The following REPS1 variants were observed in gnomAD, a reference collection of about 807,000 sequenced individuals.
REPS1 encodes RALBP1 associated Eps domain containing 1.
A neutral mutation model predicts 100.9 loss-of-function variants in REPS1; 39 were observed. That is an observed-to-expected ratio of 0.39 (90% confidence interval 0.30 to 0.50). REPS1 has a LOEUF of 0.50. REPS1 is among the 20% of genes least tolerant of loss of function. The pLI, the probability that REPS1 is intolerant of heterozygous loss-of-function variation, is 0.86. For synonymous variants in REPS1, 324 were observed against 340.3 expected, an observed-to-expected ratio of 0.95 and a Z score of 0.53; for missense variants, 821 against 968.5, an observed-to-expected ratio of 0.85 and a Z score of 2.02.
intron 1 of REPS1, among the ~76,000 whole-genome samples, chr6:138,986,581 C>T (rs1785269126): frequency 6.6e-6 from 1 of 152,200 alleles, no homozygotes; most frequent in Admixed American, 6.5e-5. Flanking sequence ...ACTACATACA[C>T]CTATACATGT....
chr6:138,912,985 C>T (rs1337615481), intron 15 of REPS1, 35 bp from the exon 16 acceptor site: 1 of 1,526,108 alleles, frequency 6.6e-7, no homozygotes, highest in Non-Finnish European at 8.9e-7. Flanking sequence ...AACACACATT[C>T]TATCAGCCTA....
At chr6:138,933,565 C>T (rs1781612460) in intron 8 of REPS1, among the ~76,000 whole-genome samples, 1 of 152,120 alleles carries the variant, frequency 6.6e-6, no homozygotes, top group Admixed American at 6.5e-5. Context: ...CCCTGGTATA[C>T]CTCAAACAAA....
At chr6:138,907,798 G>A (rs1314603617) in intron 18 of REPS1, among the ~76,000 whole-genome samples, 198 bp from the exon 19 acceptor site, 2 of 150,284 alleles carry the variant, frequency 1.3e-5, no homozygotes, top group African/African-American at 4.9e-5. Context: ...AAAAAAAAAA[G>A]AAATTATTAA....
At chr6:138,980,651 C>A (rs1005775603) in intron 1 of REPS1, among the ~76,000 whole-genome samples, 19 of 108,156 alleles carry the variant, frequency 1.8e-4, no homozygotes, top group Non-Finnish European at 1.8e-5. Flanking sequence ...TTATTGTACA[C>A]AGTTCTTTTT....
At chr6:138,943,824 T>C (rs1168915319) in intron 6 of REPS1, 29 bp downstream of exon 6, 1 of 1,594,932 alleles carries the variant, frequency 6.3e-7, no homozygotes, top group Non-Finnish European at 8.6e-7. Flanking sequence ...CTGTCCCATC[T>C]AGAAGAACTT....
chr6:138,981,019 C>G (rs1035195001), intron 1 of REPS1, among the ~76,000 whole-genome samples: 9 of 152,220 alleles, frequency 5.9e-5, no homozygotes, highest in African/African-American at 2.2e-4. Context: ...TCAGCCTGCT[C>G]TTCCTTAAAA....
chr6:138,950,663 A>G (rs1782958298), intron 1 of REPS1, among the ~76,000 whole-genome samples: 1 of 152,180 alleles, frequency 6.6e-6, no homozygotes, highest in African/African-American at 2.4e-5. Context: ...TAATATTTAA[A>G]CATCTGATAG....
chr6:138,904,901 A>G lies in REPS1; in HGVS notation c.*163T>C, dbSNP rs1334080903. 1 of 551,800 alleles carries G rather than the reference A, an allele frequency of 1.8e-6. No homozygotes were observed. Among genetic ancestry groups the G allele is most frequent in the East Asian group, 3.1e-5 (1 of 32,628 alleles). 34.2% of individuals were successfully genotyped at this position (551,800 alleles called of 1,614,324 possible). A position where few individuals can be genotyped will look rare whatever the true frequency, so the allele number is the denominator to read the frequency against. On this transcript the variant is annotated 3_prime_UTR_variant, in exon 20 of 20. Coordinates refer to ENST00000450536, the MANE Select transcript of REPS1 (RefSeq NM_001286611.2). Reference sequence around the variant, plus strand: ...CCTGACCTTTTTATTGTCGAAATTAAAAAATAAAAGATACTTAAATACAAC... The same window carrying G: ...CCTGACCTTTTTATTGTCGAAATTAGAAAATAAAAGATACTTAAATACAAC...
chr6:138,986,135 G>C (rs1785245514), intron 1 of REPS1, among the ~76,000 whole-genome samples: 1 of 152,124 alleles, frequency 6.6e-6, no homozygotes, highest in Non-Finnish European at 1.5e-5. Flanking sequence ...GCTAAGAATG[G>C]CTTTACATTT....
At chr6:138,966,406 C>T (rs1429846174) in intron 1 of REPS1, among the ~76,000 whole-genome samples, 2 of 152,046 alleles carry the variant, frequency 1.3e-5, no homozygotes, top group African/African-American at 2.4e-5. Flanking sequence ...GTGAGAATGA[C>T]AAAAAGATGA....
intron 13 of REPS1, among the ~76,000 whole-genome samples, chr6:138,916,563 C>T (rs1284309858): frequency 3.3e-5 from 5 of 151,968 alleles, no homozygotes; most frequent in Admixed American, 3.3e-4. Flanking sequence ...TAATAGACTG[C>T]ATACTTAGTG....
rs190943837 is a variant in REPS1 at position 138,986,289 on chromosome 6, A to G, written c.153+1241T>C. ...CCTTCACTGGCACGTAAGACATCCC[A>G]CCTTTAAAAAAGCAATGTAAAACAC... On this transcript the variant is annotated intron_variant, in intron 1 of 19. Transcript: ENST00000450536. Among the ~76,000 whole-genome samples the G allele has an allele frequency of 5.3e-5, 8 of 152,344 alleles. 1 individual carries two copies. In the East Asian group the frequency reaches 1.5e-3, roughly 29 times the overall value.
intron 1 of REPS1, among the ~76,000 whole-genome samples, chr6:138,971,800 C>T (rs947491073): frequency 3.3e-5 from 5 of 152,148 alleles, no homozygotes; most frequent in Non-Finnish European, 7.3e-5. Flanking sequence ...ACATCCAAGG[C>T]TTGAAGCTTC....
intron 10 of REPS1, among the ~76,000 whole-genome samples, 175 bp from the exon 11 acceptor site, chr6:138,921,299 A>T (rs1254264831): frequency 6.6e-6 from 1 of 152,146 alleles, no homozygotes; most frequent in East Asian, 1.9e-4. Context: ...TTAAAAATCA[A>T]GCTCACTATA....
At position 138,914,817 on chromosome 6, in the gene REPS1, GAAGA is replaced by G. The variant is rs1162104353; in HGVS notation, c.1721-60_1721-57del. 4.4e-6 allele frequency: 6 copies of G among 1,378,652 alleles called. No homozygotes were observed. In the Admixed American group the frequency reaches 1.2e-4, roughly 27 times the overall value. 85.4% of individuals were successfully genotyped at this position (1,378,652 alleles called of 1,614,324 possible). On this transcript the variant is annotated intron_variant, in intron 14 of 19. Transcript: ENST00000450536. ...TAACTGTATAATCACTTTGTTAATA[GAAGA>G]AATAGGCTGAATGAATGTGACTACA... is the stretch of plus-strand genomic sequence containing the variant.
chr6:138,948,009 T>G, intron 1 of REPS1, 96 bp from the exon 2 acceptor site: 2 of 1,109,018 alleles, frequency 1.8e-6, no homozygotes, highest in African/African-American at 1.6e-5. Context: ...TCTCAAAATA[T>G]CTATCTAATA....
At chr6:138,980,925 C>A (rs934088836) in intron 1 of REPS1, among the ~76,000 whole-genome samples, 1 of 152,086 alleles carries the variant, frequency 6.6e-6, no homozygotes, top group African/African-American at 2.4e-5. Flanking sequence ...ATGTATACCC[C>A]CAATACAAAG....
chr6:138,973,242 A>G (rs922069191), intron 1 of REPS1, among the ~76,000 whole-genome samples: 2 of 152,198 alleles, frequency 1.3e-5, no homozygotes, highest in Admixed American at 1.3e-4. Context: ...AACACATGGT[A>G]TTTTAAGTGA....
intron 1 of REPS1, among the ~76,000 whole-genome samples, chr6:138,985,488 T>G (rs991656552): frequency 2.0e-5 from 3 of 152,224 alleles, no homozygotes; most frequent in Non-Finnish European, 4.4e-5. Context: ...AATGGAGGAC[T>G]GTGTTTTCAG....
Sources: allele counts gnomAD v4.1 joint callset (sites outside exome capture counted in the v4.1 genomes callset), GRCh38; gene constraint gnomAD v4.1.1; transcripts MANE v1.5; gene names NCBI Gene and HGNC (gene_info 2026-07-23, HGNC 2026-07-21).